Variants in PRKDC observed in about 807,000 individuals in gnomAD.
The protein encoded by PRKDC is protein kinase, DNA-activated, catalytic subunit, also known as DNA-dependent protein kinase catalytic subunit.
PRKDC carries 82 observed loss-of-function variants against 486.9 expected under a neutral mutation model. The observed-to-expected ratio is 0.17, with a 90% CI of 0.14 to 0.20. The LOEUF is 0.20. PRKDC is among the 10% of genes least tolerant of loss of function. PRKDC has a pLI of 1.00. For synonymous variants in PRKDC, 1,895 were observed against 1,837.0 expected (o/e 1.03, Z -0.81); for missense variants, 4,504 against 5,038.2 (o/e 0.89, Z 3.21).
chr8:47,851,562 C>T (rs1381315723), intron 52 of PRKDC, among the ~76,000 whole-genome samples: 3 of 152,208 alleles, frequency 2.0e-5, no homozygotes, highest in African/African-American at 7.2e-5. Context: ...CTGAGCCTCT[C>T]CTCATCCAGC....
intron 11 of PRKDC, among the ~76,000 whole-genome samples, chr8:47,937,345 A>G (rs544401747): frequency 4.6e-5 from 7 of 152,350 alleles, no homozygotes; most frequent in South Asian, 2.1e-4. Context: ...ATTTATTCAC[A>G]CAGGAAGCAT....
intron 59 of PRKDC, among the ~76,000 whole-genome samples, chr8:47,833,331 C>T (rs560407428): frequency 4.0e-4 from 61 of 152,182 alleles, no homozygotes; most frequent in Non-Finnish European, 7.3e-4. Context: ...TTTACTTCCA[C>T]AGAGCTGAGC....
rs554807936 is a variant in PRKDC at position 47,923,657 on chromosome 8, T to C, written c.2419+3537A>G. 5.3e-5 allele frequency among the ~76,000 whole-genome samples: 8 copies of C among 152,330 alleles called. No homozygotes were observed. The South Asian group carries it at 1.7e-3, about 32-fold the overall frequency. On this transcript the variant is annotated intron_variant, in intron 21 of 85. Transcript: ENST00000314191. The stretch of plus-strand genomic sequence containing the variant: ...TGGCTGAGGTACTTTAAAACCATGG[T>C]ACTTCAAAAAGTGCCATGCTGGCTG...
intron 77 of PRKDC, among the ~76,000 whole-genome samples, chr8:47,784,607 GT>G (rs924603895): frequency 1.3e-5 from 2 of 152,072 alleles, no homozygotes; most frequent in Admixed American, 6.5e-5. Context: ...CTCTGAAAAA[GT>G]CACGCCTTGA....
chr8:47,890,134 T>C (rs888207432), intron 32 of PRKDC, 123 bp downstream of exon 32: 2 of 361,848 alleles, frequency 5.5e-6, no homozygotes, highest in Non-Finnish European at 4.5e-6. Flanking sequence ...TGAAATATAA[T>C]AATAATAATA....
intron 10 of PRKDC, among the ~76,000 whole-genome samples, chr8:47,940,381 G>A (rs116649159): frequency 4.3e-4 from 65 of 152,248 alleles, no homozygotes; most frequent in African/African-American, 1.5e-3. Flanking sequence ...TCAGCACAAA[G>A]ACTGCCCAGA....
chr8:47,916,000 G>C (rs1016142633), intron 22 of PRKDC, among the ~76,000 whole-genome samples: 14 of 152,208 alleles, frequency 9.2e-5, no homozygotes, highest in African/African-American at 2.9e-4. Context: ...CTTGCACTTT[G>C]AGTGGATTTT....
At chr8:47,888,785 G>A (rs1301080952) in intron 33 of PRKDC, 135 bp from the exon 34 acceptor site, 2 of 1,303,216 alleles carry the variant, frequency 1.5e-6, no homozygotes, top group African/African-American at 3.0e-5. Context: ...CACTAAGCTA[G>A]CATGGAGATC....
At chr8:47,778,882 G>T (rs2086652395) in intron 81 of PRKDC, 83 bp from the exon 82 acceptor site, 4 of 1,475,992 alleles carry the variant, frequency 2.7e-6, no homozygotes, top group Non-Finnish European at 3.7e-6. Flanking sequence ...TGTTTATATT[G>T]AGACTCAAAT....
At chr8:47,926,099 CAAAA>C (rs2090153111) in intron 21 of PRKDC, among the ~76,000 whole-genome samples, 1 of 151,772 alleles carries the variant, frequency 6.6e-6, no homozygotes, top group African/African-American at 2.4e-5. Flanking sequence ...TAACAGAACT[CAAAA>C]AAGAAAATTA....
intron 40 of PRKDC, among the ~76,000 whole-genome samples, chr8:47,875,257 G>A (rs956326270): frequency 5.3e-5 from 8 of 152,110 alleles, no homozygotes; most frequent in South Asian, 2.1e-4. Flanking sequence ...CGTAATATTC[G>A]CTTATAATCT....
intron 30 of PRKDC, among the ~76,000 whole-genome samples, chr8:47,895,769 G>A (rs1189988710): frequency 6.6e-6 from 1 of 152,208 alleles, no homozygotes; most frequent in East Asian, 1.9e-4. Flanking sequence ...GGCCAGGCGT[G>A]GTAGCTCACA....
At chr8:47,930,428 A>T (rs926000611) in intron 17 of PRKDC, among the ~76,000 whole-genome samples, 4 of 152,014 alleles carry the variant, frequency 2.6e-5, no homozygotes, top group African/African-American at 7.2e-5. Flanking sequence ...GCCTGACACT[A>T]TGCCCGGCGA....
At chr8:47,802,162 G>A (rs757859137) in intron 70 of PRKDC, among the ~76,000 whole-genome samples, 8 of 151,984 alleles carry the variant, frequency 5.3e-5, no homozygotes, top group African/African-American at 1.2e-4. Flanking sequence ...CTGCAGCCTC[G>A]AACTCCTGAT....
chr8:47,884,697 A>T (rs1432285304), intron 36 of PRKDC, among the ~76,000 whole-genome samples: 2 of 152,226 alleles, frequency 1.3e-5, no homozygotes, highest in Non-Finnish European at 2.9e-5. Flanking sequence ...CTACAACAGA[A>T]AAGCACTGTT....
intron 15 of PRKDC, 102 bp downstream of exon 15, chr8:47,933,863 G>T: frequency 7.9e-7 from 1 of 1,271,466 alleles, no homozygotes; most frequent in South Asian, 2.2e-5. Flanking sequence ...TTAAACTTTT[G>T]AAAGTTAGTA....
Position 47,776,950 on chromosome 8 carries a change from A to T in PRKDC, c.12076T>A (p.Ser4026Thr). 1.2e-6 allele frequency: 2 copies of T among 1,610,398 alleles called. No individual in the cohort carries two copies. Among genetic ancestry groups the T allele is most frequent in the Non-Finnish European group, 8.5e-7 (1 of 1,179,182 alleles). ...GCAACATTTATTTCTTGAATCCATG[A>T]CCCTCCTTTTTTCAGCATTTTCTGT... is the stretch of plus-strand genomic sequence containing the variant. ...FEQKMLKKGG[S>T]WIQEINVAEK... Residue 4026 changes from serine to threonine, a missense_variant, in exon 85 of 86, where the codon TCA (serine) becomes ACA (threonine). By Grantham distance (58) the Ser-to-Thr change is moderately conservative. Transcript: ENST00000314191.
intron 76 of PRKDC, 105 bp downstream of exon 76, chr8:47,788,801 A>G: frequency 7.0e-6 from 8 of 1,136,984 alleles, no homozygotes; most frequent in Non-Finnish European, 9.3e-6. Context: ...CAGAACTGTT[A>G]AATTAATGAT....
chr8:47,858,430 T>C, intron 48 of PRKDC, 86 bp downstream of exon 48: 12 of 1,253,720 alleles, frequency 9.6e-6, no homozygotes, highest in South Asian at 6.6e-5. Flanking sequence ...AGTATATTCA[T>C]AGAATTGCAA....
Sources: allele counts gnomAD v4.1 joint callset (sites outside exome capture counted in the v4.1 genomes callset), GRCh38; gene constraint gnomAD v4.1.1; transcripts MANE v1.5; gene names NCBI Gene and HGNC (gene_info 2026-07-23, HGNC 2026-07-21).